The following TIAM2 variants were observed in gnomAD, a reference collection of about 807,000 sequenced individuals.
The protein encoded by TIAM2 is TIAM Rac1 associated GEF 2.
In TIAM2, 80 loss-of-function variants were observed where a neutral mutation model predicts 152.9. The ratio of observed to expected loss-of-function variants is 0.52; its 90% confidence interval spans 0.44 to 0.63. The LOEUF (loss-of-function observed/expected upper bound fraction) is 0.63, where lower values mean the gene tolerates loss of function less well. Among genes scored for constraint, TIAM2 ranks in the 30% least tolerant of loss-of-function variants. The probability of loss-of-function intolerance (pLI) is 0.00; values close to 1 mark genes in which losing one functional copy is unlikely to be tolerated. For missense variants in TIAM2, 1,965 were observed against 2,120.1 expected (o/e 0.93, Z 1.44); for synonymous variants, 804 against 838.0 (o/e 0.96, Z 0.70).
At chr6:155,015,738 A>C (rs551151042) in intron 1 of TIAM2, among the ~76,000 whole-genome samples, 1 of 152,084 alleles carries the variant, frequency 6.6e-6, no homozygotes, top group African/African-American at 2.4e-5. Context: ...GGAGTTTGAG[A>C]CCAGCCTGGC....
rs1473742732 is a variant in TIAM2 at position 155,029,152 on chromosome 6, ACTAT to A, written c.-209+33661_-209+33664del. On this transcript the variant is annotated intron_variant, in intron 1 of 26. Transcript: ENST00000682666. The stretch of plus-strand genomic sequence containing the variant: ...ACTATGTGTTATATACACTATATGT[ACTAT>A]GTGTTATATACACTATATGTACTAT... Among the ~76,000 whole-genome samples the A allele has an allele frequency of 1.4e-4, 16 of 116,438 alleles. 3 individuals carry two copies. The highest frequency in any genetic ancestry group is 2.7e-4 in the South Asian group (1 of 3,694). The allele number at this position is 116,438 out of a possible 152,430, so 76.4% of individuals were successfully genotyped here.
intron 2 of TIAM2, among the ~76,000 whole-genome samples, chr6:155,114,589 T>A (rs934772055): frequency 3.9e-5 from 6 of 152,140 alleles, no homozygotes; most frequent in African/African-American, 1.2e-4. Context: ...AACAAAATTC[T>A]CATTTGCATA....
chr6:155,133,592 G>T (rs1437856310), intron 4 of TIAM2, among the ~76,000 whole-genome samples: 2 of 152,100 alleles, frequency 1.3e-5, no homozygotes, highest in Non-Finnish European at 2.9e-5. Flanking sequence ...TACCCTTTGA[G>T]CAGCATCTTC....
Position 155,132,267 on chromosome 6 carries a change from A to G in TIAM2, c.1194+1850A>G, listed in dbSNP as rs950907170. Among the ~76,000 whole-genome samples the G allele has an allele frequency of 6.1e-5, 9 of 147,666 alleles. No homozygotes were observed. In the East Asian group the frequency reaches 9.8e-4, roughly 16 times the overall value. Reference sequence around the variant, plus strand: ...GCAGAATTGCATCCTAGATAGACATAAAATTATAAAATTATATAGAGATTT... The same window carrying G: ...GCAGAATTGCATCCTAGATAGACATGAAATTATAAAATTATATAGAGATTT... On this transcript the variant is annotated intron_variant, in intron 4 of 26. Coordinates refer to ENST00000682666, the MANE Select transcript of TIAM2 (RefSeq NM_012454.4).
rs1780725639 is a variant in TIAM2 at position 155,174,944 on chromosome 6, G to A, written c.2362-1872G>A. Among the ~76,000 whole-genome samples the A allele has an allele frequency of 6.6e-6, 1 of 152,178 alleles. No individual in the cohort carries two copies. The highest frequency in any genetic ancestry group is 1.5e-5 in the Non-Finnish European group (1 of 68,042). On this transcript the variant is annotated intron_variant, in intron 9 of 26. Transcript: ENST00000682666. The surrounding 1 kb of genome is among the most constrained non-coding windows in gnomAD (Gnocchi z 4.2). Reference sequence around the variant, plus strand: ...TCTCAACAAGCCTGGTTTCAGAGGTGGGGCCTGCACCTTTAAGGCAGCATC... The same window carrying A: ...TCTCAACAAGCCTGGTTTCAGAGGTAGGGCCTGCACCTTTAAGGCAGCATC...
chr6:155,136,871 T>C (rs1381401103), intron 4 of TIAM2, among the ~76,000 whole-genome samples: 2 of 152,248 alleles, frequency 1.3e-5, no homozygotes, highest in Non-Finnish European at 2.9e-5. Flanking sequence ...TAATCTTCAC[T>C]AGTGTGTTGT....
At chr6:154,996,756 A>T (rs944695828) in intron 1 of TIAM2, among the ~76,000 whole-genome samples, 9 of 152,210 alleles carry the variant, frequency 5.9e-5, no homozygotes, top group Non-Finnish European at 1.2e-4. Flanking sequence ...GATGTGCTTA[A>T]GATTGTTATG....
At chr6:155,197,725 G>T (rs1395738715) in intron 14 of TIAM2, among the ~76,000 whole-genome samples, 1 of 151,958 alleles carries the variant, frequency 6.6e-6, no homozygotes, top group East Asian at 1.9e-4. Flanking sequence ...CAGAAGGGCC[G>T]ACCAAAAGGG....
At chr6:155,179,178 A>G in intron 11 of TIAM2, 35 bp downstream of exon 11, 1 of 1,567,270 alleles carries the variant, frequency 6.4e-7, no homozygotes, top group Non-Finnish European at 8.8e-7. Flanking sequence ...GGGAAACTGA[A>G]CCACATCTAT....
intron 5 of TIAM2, among the ~76,000 whole-genome samples, chr6:155,141,594 C>G (rs1779708476): frequency 6.6e-6 from 1 of 152,172 alleles, no homozygotes; most frequent in African/African-American, 2.4e-5. Flanking sequence ...AAATTTTCAA[C>G]AAGGGTAATT....
intron 14 of TIAM2, among the ~76,000 whole-genome samples, chr6:155,188,620 G>A (rs1781112163): frequency 6.6e-6 from 1 of 152,210 alleles, no homozygotes; most frequent in Non-Finnish European, 1.5e-5. Context: ...CCATTGAAGG[G>A]ATTGGACAGG....
chr6:155,257,471 C>T lies in TIAM2; in HGVS notation c.*350C>T, dbSNP rs1003877166. ...TTTCAAAGGGCCATTTTTTAAAATCCTCTGGGCATTTTCTTTCAGCTGTTT... is the reference window on the plus strand; with the variant it reads ...TTTCAAAGGGCCATTTTTTAAAATCTTCTGGGCATTTTCTTTCAGCTGTTT... On this transcript the variant is annotated 3_prime_UTR_variant, in exon 27 of 27. Coordinates refer to ENST00000682666, the MANE Select transcript of TIAM2 (RefSeq NM_012454.4). 1 of 326,590 alleles carries T rather than the reference C, an allele frequency of 3.1e-6. No homozygotes were observed. The allele number at this position is 326,590 out of a possible 1,614,324, so 20.2% of individuals were successfully genotyped here.
chr6:155,056,235 G>A (rs1278183353), intron 1 of TIAM2, among the ~76,000 whole-genome samples: 3 of 142,128 alleles, frequency 2.1e-5, no homozygotes, highest in South Asian at 2.3e-4. Flanking sequence ...GCAGTGGCGC[G>A]ATCTCGGCTC....
At chr6:155,037,536 T>C (rs1009328511) in intron 1 of TIAM2, among the ~76,000 whole-genome samples, 3 of 152,122 alleles carry the variant, frequency 2.0e-5, no homozygotes, top group African/African-American at 7.2e-5. Flanking sequence ...CTTTTCTTTT[T>C]TTATTTTTTT....
At chr6:155,254,983 T>G (rs1031858003) in intron 26 of TIAM2, 13 of 159,492 alleles carry the variant, frequency 8.2e-5, no homozygotes, top group Non-Finnish European at 1.8e-4. Flanking sequence ...ATTTTTCGAC[T>G]TTACCGTGGT....
chr6:155,201,440 C>T (rs1781469580), intron 14 of TIAM2, among the ~76,000 whole-genome samples: 1 of 152,140 alleles, frequency 6.6e-6, no homozygotes. Context: ...ATTGGGGTGT[C>T]CTCCCAGTAC....
intron 26 of TIAM2, chr6:155,255,409 G>C (rs1211562286): frequency 6.6e-6 from 1 of 151,958 alleles, no homozygotes; most frequent in Non-Finnish European, 1.5e-5. Flanking sequence ...TAACTATTTT[G>C]TTATTATCTT....
At chr6:155,240,923 C>T (rs140075016) in intron 16 of TIAM2, among the ~76,000 whole-genome samples, 1 of 152,298 alleles carries the variant, frequency 6.6e-6, no homozygotes, top group African/African-American at 2.4e-5. Context: ...AGATCCTTGG[C>T]TTATTTTGTT....
chr6:155,205,549 A>T (rs1583248665), intron 14 of TIAM2, among the ~76,000 whole-genome samples: 1 of 152,114 alleles, frequency 6.6e-6, no homozygotes. Context: ...GTGTCCAGGG[A>T]CTACAAAGAA....
Sources: allele counts gnomAD v4.1 joint callset (sites outside exome capture counted in the v4.1 genomes callset), GRCh38; gene constraint gnomAD v4.1.1; non-coding constraint Gnocchi (gnomAD v3.1); transcripts MANE v1.5; gene names NCBI Gene and HGNC (gene_info 2026-07-23, HGNC 2026-07-21).